Variants in ELMO1 observed in about 807,000 individuals in gnomAD.
ELMO1 encodes the protein engulfment and cell motility protein 1.
A neutral mutation model predicts 98.9 loss-of-function variants in ELMO1; 26 were observed. That is an observed-to-expected ratio of 0.26 (90% CI 0.19 to 0.36). ELMO1 has a LOEUF of 0.36. Ranked by LOEUF, ELMO1 falls within the 10% of genes least tolerant of loss-of-function variation. ELMO1 has a pLI of 1.00. For synonymous variants in ELMO1, 346 were observed against 346.0 expected (o/e 1.00, Z 0.00); for missense variants, 627 against 935.2 (o/e 0.67, Z 4.30).
rs1329613866 is a variant in ELMO1 at position 36,870,658 on chromosome 7, A to T, written c.1823-183T>A. Reference sequence around the variant, plus strand: ...GTGTCCCAGGATTAGAAACTAAAATATATCTTATATTCTGGGAAAAAGCAT... The same window carrying T: ...GTGTCCCAGGATTAGAAACTAAAATTTATCTTATATTCTGGGAAAAAGCAT... On this transcript the variant is annotated intron_variant, in intron 19 of 21. Transcript: ENST00000310758. This position sits in a 1 kb window ranked among gnomAD's most constrained non-coding sequence, Gnocchi z 4.4. Among the ~76,000 whole-genome samples the T allele has an allele frequency of 6.6e-6, 1 of 152,182 alleles. No homozygotes were observed. The highest frequency in any genetic ancestry group is 1.5e-5 in the Non-Finnish European group (1 of 68,022).
intron 7 of ELMO1, among the ~76,000 whole-genome samples, chr7:37,234,478 G>A (rs1433015465): frequency 6.6e-6 from 1 of 152,186 alleles, no homozygotes; most frequent in Non-Finnish European, 1.5e-5. Flanking sequence ...GGAACCTATA[G>A]AAGGGGAAGT....
At chr7:37,110,698 A>G (rs1211108006) in intron 14 of ELMO1, among the ~76,000 whole-genome samples, 1 of 152,178 alleles carries the variant, frequency 6.6e-6, no homozygotes, top group South Asian at 2.1e-4. Flanking sequence ...TAGATTTATC[A>G]TGGGAAAGAA....
chr7:37,015,926 T>A (rs1793903717), intron 15 of ELMO1, among the ~76,000 whole-genome samples: 1 of 152,220 alleles, frequency 6.6e-6, no homozygotes, highest in Admixed American at 6.5e-5. Flanking sequence ...AAGTTTTGAC[T>A]TGCGATACAA....
chr7:36,877,985 G>C, intron 19 of ELMO1, 25 bp downstream of exon 19: 1 of 1,570,984 alleles, frequency 6.4e-7, no homozygotes, highest in Non-Finnish European at 8.8e-7. Context: ...CACCACTCAG[G>C]CCTCTGCCAA....
At chr7:37,246,320 G>T (rs1795002472) in intron 6 of ELMO1, among the ~76,000 whole-genome samples, 1 of 152,190 alleles carries the variant, frequency 6.6e-6, no homozygotes, top group South Asian at 2.1e-4. Flanking sequence ...TGCCAAAACT[G>T]ATGGGTGAAA....
intron 2 of ELMO1, among the ~76,000 whole-genome samples, chr7:37,326,709 TAC>T (rs1189071466): frequency 5.3e-5 from 8 of 152,180 alleles, no homozygotes; most frequent in Non-Finnish European, 1.5e-5. Flanking sequence ...CAGGATAAAG[TAC>T]AGTCTTTCTG....
intron 20 of ELMO1, among the ~76,000 whole-genome samples, chr7:36,862,866 T>A (rs1802742179): frequency 6.6e-6 from 1 of 152,150 alleles, no homozygotes; most frequent in Admixed American, 6.5e-5. Context: ...TACCTTAATA[T>A]CTGTTAGAGG....
chr7:37,265,633 C>T (rs765137095), intron 5 of ELMO1, among the ~76,000 whole-genome samples: 1 of 152,050 alleles, frequency 6.6e-6, no homozygotes, highest in Non-Finnish European at 1.5e-5. Context: ...CCACCCTCAT[C>T]GCATCATCTT....
chr7:37,273,270 T>C (rs1271936254), intron 4 of ELMO1, among the ~76,000 whole-genome samples: 2 of 152,218 alleles, frequency 1.3e-5, no homozygotes, highest in African/African-American at 4.8e-5. Context: ...AATCCCCATG[T>C]GTTAACAGAG....
At chr7:37,434,042 C>T (rs1020638615) in intron 1 of ELMO1, among the ~76,000 whole-genome samples, 5 of 151,980 alleles carry the variant, frequency 3.3e-5, no homozygotes, top group Non-Finnish European at 4.4e-5. Context: ...GAGAAAACAG[C>T]TGCATATGAA....
chr7:37,448,615 C>T (rs921137490), intron 1 of ELMO1, 60 bp downstream of exon 1: 6 of 152,384 alleles, frequency 3.9e-5, no homozygotes, highest in African/African-American at 1.4e-4. Flanking sequence ...CGGCCCCCTC[C>T]CCTGCCGCGC....
intron 15 of ELMO1, among the ~76,000 whole-genome samples, chr7:37,016,914 T>A (rs1392356376): frequency 6.6e-6 from 1 of 152,176 alleles, no homozygotes; most frequent in Non-Finnish European, 1.5e-5. Context: ...GCTTTCCTCA[T>A]TCTGTTTCTC....
At chr7:37,320,984 T>C (rs1232160377) in intron 2 of ELMO1, among the ~76,000 whole-genome samples, 1 of 152,182 alleles carries the variant, frequency 6.6e-6, no homozygotes, top group Non-Finnish European at 1.5e-5. Context: ...CATGTAGGAA[T>C]TAGGCAATTC....
intron 1 of ELMO1, among the ~76,000 whole-genome samples, chr7:37,434,838 C>A (rs1279035377): frequency 3.3e-5 from 5 of 152,210 alleles, no homozygotes; most frequent in Non-Finnish European, 5.9e-5. Context: ...TCCCTGACCT[C>A]CCTGACTACA....
chr7:37,332,269 C>G (rs995483752), intron 2 of ELMO1, among the ~76,000 whole-genome samples: 4 of 152,218 alleles, frequency 2.6e-5, no homozygotes, highest in African/African-American at 9.7e-5. Context: ...AATGCCTTCA[C>G]CATAGTCATT....
At chr7:37,267,681 C>G (rs1353318110) in intron 5 of ELMO1, among the ~76,000 whole-genome samples, 1 of 152,208 alleles carries the variant, frequency 6.6e-6, no homozygotes, top group Non-Finnish European at 1.5e-5. Context: ...ATTTTCATCT[C>G]TAAGAGAGAT....
intron 15 of ELMO1, among the ~76,000 whole-genome samples, chr7:37,059,820 A>G (rs1410498259): frequency 6.6e-6 from 1 of 152,206 alleles, no homozygotes; most frequent in Non-Finnish European, 1.5e-5. Context: ...ATGGCTCCAA[A>G]TTACCACTCA....
At chr7:36,999,272 C>T (rs1426479889) in intron 16 of ELMO1, among the ~76,000 whole-genome samples, 1 of 152,100 alleles carries the variant, frequency 6.6e-6, no homozygotes, top group Non-Finnish European at 1.5e-5. Flanking sequence ...GGGAATGGCC[C>T]CAAATGCTTT....
chr7:37,100,305 G>A (rs76798290), intron 14 of ELMO1, among the ~76,000 whole-genome samples: 2,589 of 152,306 alleles, frequency 0.017, 38 homozygotes, highest in Non-Finnish European at 0.026. Flanking sequence ...CTCATGGTGA[G>A]TGACCAAAGC....
Sources: allele counts gnomAD v4.1 joint callset (sites outside exome capture counted in the v4.1 genomes callset), GRCh38; gene constraint gnomAD v4.1.1; non-coding constraint Gnocchi (gnomAD v3.1); transcripts MANE v1.5; gene names NCBI Gene and HGNC (gene_info 2026-07-23, HGNC 2026-07-21).